SEZ6L2: variants seen among roughly 807,000 people sequenced by gnomAD.
SEZ6L2 encodes the protein seizure related 6 homolog like 2.
Under a neutral mutation model 97.0 loss-of-function variants are expected in SEZ6L2, and 44 were observed. That is an observed-to-expected ratio of 0.45 (90% CI 0.36 to 0.58). The LOEUF (loss-of-function observed/expected upper bound fraction) is 0.58. SEZ6L2 is among the 20% of genes least tolerant of loss of function. SEZ6L2 has a pLI of 0.00. For missense variants in SEZ6L2, 1,086 were observed against 1,233.3 expected, an observed-to-expected ratio of 0.88 and a Z score of 1.79; for synonymous variants, 543 against 546.1, an observed-to-expected ratio of 0.99 and a Z score of 0.08.
In SEZ6L2 at chr16:29,887,239, C is replaced by T. The variant is rs1189327496; in HGVS notation, c.1208+410G>A. ...GACTAAGCTGTGATGCATATCTCAA[C>T]CAGGATCCACCCCAGCTGTGTCCAA... On this transcript the variant is annotated intron_variant, in intron 7 of 17. Coordinates refer to ENST00000617533, the MANE Select transcript of SEZ6L2 (RefSeq NM_001243332.2). Among the ~76,000 whole-genome samples the T allele has an allele frequency of 2.7e-5, 4 of 149,444 alleles. No homozygotes were observed. The East Asian group carries it at 7.8e-4, about 29-fold the overall frequency.
chr16:29,877,012 C>T (rs996558991), intron 11 of SEZ6L2, 62 bp from the exon 12 acceptor site: 5 of 1,513,708 alleles, frequency 3.3e-6, no homozygotes, highest in Non-Finnish European at 3.6e-6. Context: ...CTTCCAGCCT[C>T]GGAGGCTTTG....
intron 2 of SEZ6L2, 52 bp from the exon 3 acceptor site, chr16:29,897,173 T>C (rs1309840628): frequency 6.7e-5 from 95 of 1,427,930 alleles, no homozygotes; most frequent in Non-Finnish European, 8.4e-5. Context: ...TGGAGGACCT[T>C]GGGTGGGGAG....
At chr16:29,879,754 G>C in intron 9 of SEZ6L2, 110 bp downstream of exon 9, 1 of 964,528 alleles carries the variant, frequency 1.0e-6, no homozygotes, top group African/African-American at 1.6e-5. Context: ...CCAAGGCTTG[G>C]GTGGATGAAG....
rs1596961496 is a variant in SEZ6L2 at position 29,876,046 on chromosome 16, C to T, written c.2104+710G>A. ...CCACAGCACTTCGCCACGCCCAGGGCAGCATGCGCCCTGTGAACTTTCCAT... is the reference window on the plus strand; with the variant it reads ...CCACAGCACTTCGCCACGCCCAGGGTAGCATGCGCCCTGTGAACTTTCCAT... On this transcript the variant is annotated intron_variant, in intron 12 of 17. Coordinates refer to ENST00000617533, the MANE Select transcript of SEZ6L2 (RefSeq NM_001243332.2). The surrounding 1 kb of genome is among the most constrained non-coding windows in gnomAD (Gnocchi z 6.5). Among the ~76,000 whole-genome samples the T allele has an allele frequency of 1.3e-5, 2 of 152,256 alleles. No homozygotes were observed. The highest frequency in any genetic ancestry group is 4.8e-5 in the African/African-American group (2 of 41,542).
rs747930568 is a variant in SEZ6L2, at chr16:29,897,087, C to A, written c.246G>T (p.Pro82=). The A allele has an allele frequency of 6.3e-7, 1 of 1,580,698 alleles. No homozygotes were observed. The change falls in exon 3 of 18, where the codon CCG becomes CCT. Residue 82 remains proline (P), a synonymous_variant. Transcript: ENST00000617533. ...SDRDPTLATP[P]AGQTLAVPSL... is the part of the protein sequence containing the mutation. ...AGGGCACTGCGAGAGTCTGGCCGGCCGGAGGGGTGGCTAGCGTGGGGTCCC... is the reference window on the plus strand; with the variant it reads ...AGGGCACTGCGAGAGTCTGGCCGGCAGGAGGGGTGGCTAGCGTGGGGTCCC...
Position 29,876,944 on chromosome 16 carries a change from G to A in SEZ6L2, c.1916C>T (p.Pro639Leu), listed in dbSNP as rs1376346517. ...QGFVLHFKEV[P>L]RNDTCPELPP... is the part of the protein sequence containing the mutation. ...CAGCTCGGGGCACGTGTCGTTCCTC[G>A]GGACCTCTGCAGGGGAGGGAAGGCG... The change falls in exon 12 of 18, where the codon CCG (proline) becomes CTG (leucine). Residue 639 changes from proline to leucine, a missense_variant. Coordinates refer to ENST00000617533, the MANE Select transcript of SEZ6L2 (RefSeq NM_001243332.2). This position sits in a 1 kb window ranked among gnomAD's most constrained non-coding sequence, Gnocchi z 6.5. 2 of 1,603,996 alleles carry A rather than the reference G, an allele frequency of 1.2e-6. No individual in the cohort carries two copies. Among genetic ancestry groups the A allele is most frequent in the East Asian group, 2.2e-5 (1 of 44,580 alleles).
At chr16:29,896,372 C>G (rs542071659) in intron 3 of SEZ6L2, among the ~76,000 whole-genome samples, 1 of 152,138 alleles carries the variant, frequency 6.6e-6, no homozygotes, top group Non-Finnish European at 1.5e-5. Flanking sequence ...CTCCACCTCC[C>G]GGGTTCAAGC....
chr16:29,873,518 A>C lies in SEZ6L2; in HGVS notation c.2296+20T>G. 2 of 1,614,034 alleles carry C rather than the reference A, an allele frequency of 1.2e-6. No homozygotes were observed. The highest frequency in any genetic ancestry group is 2.7e-5 in the African/African-American group (2 of 75,058). ...CCCAGGGCTACCCAGCCACCCTCCC[A>C]GGGTGTGCCCCAGACTCACAGGCGC... On this transcript the variant is annotated intron_variant, in intron 13 of 17. Coordinates refer to ENST00000617533, the MANE Select transcript of SEZ6L2 (RefSeq NM_001243332.2). This position sits in a 1 kb window ranked among gnomAD's most constrained non-coding sequence, Gnocchi z 4.3.
rs201397581 is a variant in SEZ6L2 at position 29,896,939 on chromosome 16, G to A, written c.394C>T (p.Pro132Ser). ...GGGGAGGCAGGGCTGGGTGGGGGTG[G>A]GGCTGTGGTTCCTGGGGGCGGGGTC... ...LLTPPPGTTA[P>S]PPPSPASPGP... The change falls in exon 3 of 18, where the codon CCA (proline) becomes TCA (serine). Residue 132 changes from proline to serine, a missense_variant. Transcript: ENST00000617533. 1.9e-6 allele frequency: 3 copies of A among 1,610,020 alleles called. No homozygotes were observed. Among genetic ancestry groups the A allele is most frequent in the East Asian group, 2.2e-5 (1 of 44,790 alleles).
chr16:29,880,151 C>T, intron 8 of SEZ6L2, 87 bp from the exon 9 acceptor site: 2 of 1,211,408 alleles, frequency 1.7e-6, no homozygotes. Flanking sequence ...TTGGGGTGTT[C>T]TTTGGCCACT....
In SEZ6L2 at chr16:29,873,868, G is replaced by A; in HGVS notation, c.2105-139C>T. 1 of 758,368 alleles carries A rather than the reference G, an allele frequency of 1.3e-6. No homozygotes were observed. Among genetic ancestry groups the A allele is most frequent in the South Asian group, 1.9e-5 (1 of 53,154 alleles). The allele number at this position is 758,368 out of a possible 1,614,324, so 47.0% of individuals were successfully genotyped here. A position where few individuals can be genotyped will look rare whatever the true frequency, so the allele number is the denominator to read the frequency against. ...GCACTCCTGTGGTTCCAGCTACTCAGGAGTTGGAGGCGGGATGATCGCTCG... is the reference window on the plus strand; with the variant it reads ...GCACTCCTGTGGTTCCAGCTACTCAAGAGTTGGAGGCGGGATGATCGCTCG... On this transcript the variant is annotated intron_variant, in intron 12 of 17. Transcript: ENST00000617533. This position sits in a 1 kb window ranked among gnomAD's most constrained non-coding sequence, Gnocchi z 4.3.
At position 29,876,054 on chromosome 16, in the gene SEZ6L2, G is replaced by A. The variant is rs932655416; in HGVS notation, c.2104+702C>T. 1.3e-5 allele frequency among the ~76,000 whole-genome samples: 2 copies of A among 152,112 alleles called. No individual in the cohort carries two copies. The highest frequency in any genetic ancestry group is 3.9e-4 in the East Asian group (2 of 5,172). ...CTTCGCCACGCCCAGGGCAGCATGC[G>A]CCCTGTGAACTTTCCATCTGCTCTT... On this transcript the variant is annotated intron_variant, in intron 12 of 17. Coordinates refer to ENST00000617533, the MANE Select transcript of SEZ6L2 (RefSeq NM_001243332.2). This position sits in a 1 kb window ranked among gnomAD's most constrained non-coding sequence, Gnocchi z 6.5.
At chr16:29,887,363 C>T (rs1288687876) in intron 7 of SEZ6L2, among the ~76,000 whole-genome samples, 16 of 148,748 alleles carry the variant, frequency 1.1e-4, no homozygotes, top group Admixed American at 1.1e-3. Context: ...TGCAGTGGTG[C>T]GATCTTGGCT....
Position 29,876,883 on chromosome 16 carries a change from G to A in SEZ6L2, c.1977C>T (p.His659=). The change falls in exon 12 of 18, where the codon CAC becomes CAT. Residue 659 remains histidine, a synonymous_variant. Transcript: ENST00000617533. The surrounding 1 kb of genome is among the most constrained non-coding windows in gnomAD (Gnocchi z 6.5). ...GCACCGTGCCCCGGATCAGGTCCCC[G>A]TGGGATGCCGTTCTCCAGCCCCACT... ...PPEWGWRTAS[H]GDLIRGTVLT... is the part of the protein sequence containing the mutation. 1 of 1,613,618 alleles carries A rather than the reference G, an allele frequency of 6.2e-7. No homozygotes were observed. The highest frequency in any genetic ancestry group is 8.5e-7 in the Non-Finnish European group (1 of 1,179,810).
At chr16:29,881,620 C>CTTTTTTT (rs59318540) in intron 8 of SEZ6L2, among the ~76,000 whole-genome samples, 8 of 85,132 alleles carry the variant, frequency 9.4e-5, no homozygotes, top group African/African-American at 1.5e-4. Flanking sequence ...ATGAGGAATT[C>CTTTTTTT]TTTTTTTTTT....
chr16:29,899,096 C>A lies in SEZ6L2; in HGVS notation c.-77G>T. On this transcript the variant is annotated 5_prime_UTR_variant, in exon 1 of 18. Transcript: ENST00000617533. ...CCACCTTTCCTCCGTCTCCGTTTAT[C>A]TTTCCCTTTAATTGTTTTTTTTTTT... The A allele has an allele frequency of 5.2e-4, 378 of 727,186 alleles. No homozygotes were observed. Among genetic ancestry groups the A allele is most frequent in the Non-Finnish European group, 7.6e-4 (340 of 448,050 alleles). The allele number at this position is 727,186 out of a possible 1,614,324, so 45.0% of individuals were successfully genotyped here.
At chr16:29,882,577 CAAA>C (rs201664178) in intron 8 of SEZ6L2, among the ~76,000 whole-genome samples, 11 of 91,514 alleles carry the variant, frequency 1.2e-4, no homozygotes, top group Admixed American at 2.5e-4. Flanking sequence ...AACTCCATCT[CAAA>C]AAAAAAAAAA....
chr16:29,895,832 G>T lies in SEZ6L2; in HGVS notation c.540C>A (p.Gly180=), dbSNP rs1193487503. The part of the protein sequence containing the change: ...PVLCNNNISE[G]EGYVESPDLG... Reference sequence around the variant, plus strand: ...GATCTGGAGACTCCACATACCCTTCGCCCTCGGAGATGTTGTTATTACACA... The same window carrying T: ...GATCTGGAGACTCCACATACCCTTCTCCCTCGGAGATGTTGTTATTACACA... Residue 180 remains glycine (G), a synonymous_variant, in exon 4 of 18, where the codon GGC becomes GGA. Coordinates refer to ENST00000617533, the MANE Select transcript of SEZ6L2 (RefSeq NM_001243332.2). 6.2e-7 allele frequency: 1 copy of T among 1,613,650 alleles called. No individual in the cohort carries two copies. The highest frequency in any genetic ancestry group is 1.1e-5 in the South Asian group (1 of 90,992).
rs1383751766 is a variant in SEZ6L2, at chr16:29,897,931, T to TG, written c.132dup (p.Thr45HisfsTer5). ...TCAGCCAGGGCCTCAGAGGCCACCG[T>TG]GGGGGTCTCACTTCCAGGCTCTGGC... On this transcript the variant is annotated frameshift_variant, in exon 2 of 18. Coordinates refer to ENST00000617533, the MANE Select transcript of SEZ6L2 (RefSeq NM_001243332.2). LOFTEE classifies it high-confidence loss of function. 7 of 1,613,632 alleles carry TG rather than the reference T, an allele frequency of 4.3e-6. No individual in the cohort carries two copies. Among genetic ancestry groups the TG allele is most frequent in the African/African-American group, 1.3e-5 (1 of 74,932 alleles).
Sources: gnomAD v4.1 joint callset for allele counts (sites outside exome capture counted in the v4.1 genomes callset) on GRCh38, gnomAD v4.1.1 for gene constraint, Gnocchi (gnomAD v3.1) non-coding constraint, MANE v1.5 for transcripts, NCBI Gene and HGNC (gene_info 2026-07-23, HGNC 2026-07-21) for gene names.